Variants in APIP observed in about 807,000 individuals in gnomAD.
APIP encodes methylthioribulose-1-phosphate dehydratase.
A neutral mutation model predicts 32.0 loss-of-function variants in APIP; 32 were observed. That is an observed-to-expected ratio of 1.00 (90% CI 0.76 to 1.34). The LOEUF is 1.34. Ranked by LOEUF, APIP falls within the 40% of genes most tolerant of loss-of-function variation. The pLI, the probability that APIP is intolerant of heterozygous loss-of-function variation, is 0.00. For missense variants in APIP, 247 were observed against 298.6 expected (o/e 0.83, Z 1.27); for synonymous variants, 92 against 94.8 (o/e 0.97, Z 0.17).
At chr11:34,889,231 T>C (rs1306106950) in intron 3 of APIP, among the ~76,000 whole-genome samples, 1 of 152,072 alleles carries the variant, frequency 6.6e-6, no homozygotes, top group East Asian at 1.9e-4. Flanking sequence ...CTGCTGTCAT[T>C]TCAACAATTT....
At chr11:34,908,411 TTC>T (rs1193420887) in intron 1 of APIP, among the ~76,000 whole-genome samples, 3 of 152,228 alleles carry the variant, frequency 2.0e-5, no homozygotes, top group Admixed American at 2.0e-4. Context: ...GAGTCATACT[TTC>T]TCTCTGTCCT....
intron 2 of APIP, among the ~76,000 whole-genome samples, chr11:34,894,696 G>A (rs577861864): frequency 2.0e-5 from 3 of 152,250 alleles, no homozygotes; most frequent in South Asian, 4.1e-4. Context: ...TCTACCTAGA[G>A]AGGATCCTCT....
At chr11:34,904,346 G>C (rs997253910) in intron 1 of APIP, among the ~76,000 whole-genome samples, 1 of 152,136 alleles carries the variant, frequency 6.6e-6, no homozygotes, top group Admixed American at 6.5e-5. Flanking sequence ...CATTGTGCTT[G>C]GAGACCCCAA....
In APIP at chr11:34,885,178, A is replaced by G. The variant is rs190423965; in HGVS notation, c.462-1674T>C. Among the ~76,000 whole-genome samples the G allele has an allele frequency of 2.8e-4, 41 of 148,228 alleles. No individual in the cohort carries two copies. The Middle Eastern group carries it at 0.011, about 39-fold the overall frequency. The stretch of plus-strand genomic sequence containing the variant: ...TGTATAGGTATACATGTATAACTAT[A>G]TATGTATATATATACCTATATAACT... On this transcript the variant is annotated intron_variant, in intron 5 of 6. Transcript: ENST00000395787.
At chr11:34,887,063 C>T (rs1049305650) in intron 5 of APIP, among the ~76,000 whole-genome samples, 9 of 152,132 alleles carry the variant, frequency 5.9e-5, no homozygotes, top group Admixed American at 2.0e-4. Flanking sequence ...TTTGATTAGA[C>T]TCAGGATTCT....
chr11:34,889,320 G>T (rs977281071), intron 3 of APIP, among the ~76,000 whole-genome samples: 1 of 151,868 alleles, frequency 6.6e-6, no homozygotes, highest in Non-Finnish European at 1.5e-5. Flanking sequence ...CCAAAGATGG[G>T]TGTTAAAATT....
chr11:34,909,738 G>A (rs1202197669), intron 1 of APIP, among the ~76,000 whole-genome samples: 1 of 152,154 alleles, frequency 6.6e-6, no homozygotes, highest in East Asian at 1.9e-4. Context: ...GATGACAACA[G>A]TCTTACCAGA....
chr11:34,905,907 C>T (rs895262894), intron 1 of APIP, among the ~76,000 whole-genome samples: 10 of 152,148 alleles, frequency 6.6e-5, no homozygotes, highest in African/African-American at 2.4e-4. Context: ...GACTGACAGC[C>T]CTTGCCACAG....
At chr11:34,909,107 GT>G (rs1853501725) in intron 1 of APIP, among the ~76,000 whole-genome samples, 1 of 152,152 alleles carries the variant, frequency 6.6e-6, no homozygotes, top group African/African-American at 2.4e-5. Flanking sequence ...GGAAGGGACT[GT>G]GAAGATGCAT....
chr11:34,896,754 A>G (rs1461089036), intron 1 of APIP: 3 of 1,269,676 alleles, frequency 2.4e-6, no homozygotes, highest in Non-Finnish European at 3.1e-6. Context: ...AAGGAAAATG[A>G]GACTACCTGG....
intron 5 of APIP, among the ~76,000 whole-genome samples, chr11:34,887,871 AC>A (rs1187495584): frequency 6.6e-6 from 1 of 152,214 alleles, no homozygotes; most frequent in Non-Finnish European, 1.5e-5. Flanking sequence ...TATTAAAAAA[AC>A]TTACATAAAT....
chr11:34,902,854 C>T (rs1482021619), intron 1 of APIP, among the ~76,000 whole-genome samples: 1 of 152,182 alleles, frequency 6.6e-6, no homozygotes, highest in Non-Finnish European at 1.5e-5. Flanking sequence ...ACCAGCTCAA[C>T]AGTCAATGGG....
At chr11:34,915,026 A>G (rs1157877885) in intron 1 of APIP, among the ~76,000 whole-genome samples, 1 of 128,100 alleles carries the variant, frequency 7.8e-6, no homozygotes, top group Non-Finnish European at 1.7e-5. Context: ...AAAAAAAAAA[A>G]GGTTGGCTCA....
intron 2 of APIP, among the ~76,000 whole-genome samples, 167 bp downstream of exon 2, chr11:34,894,843 A>C (rs887662825): frequency 3.9e-5 from 6 of 152,194 alleles, no homozygotes; most frequent in Non-Finnish European, 1.5e-5. Context: ...GCTTTTGTAC[A>C]TTGCTTCCAT....
intron 1 of APIP, among the ~76,000 whole-genome samples, chr11:34,912,533 G>A (rs1294579769): frequency 6.6e-6 from 1 of 152,156 alleles, no homozygotes; most frequent in Non-Finnish European, 1.5e-5. Flanking sequence ...TGAGGGTGCT[G>A]CCAAAGGAGG....
At chr11:34,904,234 T>A (rs947678343) in intron 1 of APIP, among the ~76,000 whole-genome samples, 1 of 152,228 alleles carries the variant, frequency 6.6e-6, no homozygotes, top group Non-Finnish European at 1.5e-5. Context: ...AATAACTTCC[T>A]GCTTTGGTCT....
chr11:34,887,592 C>G (rs1011838909), intron 5 of APIP, among the ~76,000 whole-genome samples: 1 of 152,076 alleles, frequency 6.6e-6, no homozygotes, highest in African/African-American at 2.4e-5. Flanking sequence ...CCGTTTTCCT[C>G]TAAACAAGGC....
intron 2 of APIP, among the ~76,000 whole-genome samples, chr11:34,892,559 G>C (rs1853200864): frequency 6.6e-6 from 1 of 152,136 alleles, no homozygotes; most frequent in Non-Finnish European, 1.5e-5. Context: ...ATTACTCTGT[G>C]AAAACAGGAA....
rs147754581 is a variant in APIP, at chr11:34,898,568, G to GTC, written c.58-3460_58-3459dup. ...AACTCTCCTTCTTTTTCTATCCACA[G>GTC]TCTCTCTCTCTCTCTGATGTGCGGG... On this transcript the variant is annotated intron_variant, in intron 1 of 6. Transcript: ENST00000395787. Among the ~76,000 whole-genome samples, 13 of 150,324 alleles carry GTC rather than the reference G, an allele frequency of 8.6e-5. No homozygotes were observed. In the East Asian group the frequency reaches 9.7e-4, roughly 11 times the overall value.
Sources: allele counts gnomAD v4.1 joint callset (sites outside exome capture counted in the v4.1 genomes callset), GRCh38; gene constraint gnomAD v4.1.1; transcripts MANE v1.5; gene names NCBI Gene and HGNC (gene_info 2026-07-23, HGNC 2026-07-21).